The following HERC3 variants were observed in gnomAD, a reference collection of about 807,000 sequenced individuals.
HERC3 encodes the protein probable E3 ubiquitin-protein ligase HERC3.
In HERC3, 58 loss-of-function variants were observed where a neutral mutation model predicts 129.9. The observed-to-expected ratio is 0.45, with a 90% CI of 0.36 to 0.56. The LOEUF is 0.56. HERC3 is among the 20% of genes least tolerant of loss of function. The pLI is 0.00. For synonymous variants in HERC3, 430 were observed against 451.0 expected (o/e 0.95, Z 0.59); for missense variants, 835 against 1,244.2 (o/e 0.67, Z 4.95).
At chr4:88,579,228 A>ATT in the HERC3 span, among the ~76,000 whole-genome samples, 3 of 98,550 alleles carry the variant, frequency 3.0e-5, no homozygotes, top group African/African-American at 2.7e-4. Flanking sequence ...CTAAAAAAAA[A>ATT]AAAAATATAT....
chr4:88,623,110 T>C (rs1725720640), intron 3 of HERC3, among the ~76,000 whole-genome samples: 1 of 152,334 alleles, frequency 6.6e-6, no homozygotes, highest in Non-Finnish European at 1.5e-5. Context: ...ATGTATAAGC[T>C]AGTTTCTTAT....
At chr4:88,699,276 G>A (rs1209823344) in intron 23 of HERC3, among the ~76,000 whole-genome samples, 1 of 21,426 alleles carries the variant, frequency 4.7e-5, no homozygotes, top group East Asian at 2.0e-3. Flanking sequence ...CCCCAGCCCC[G>A]CCTTCTTCTT....
chr4:88,662,950 C>A (rs1730646107), intron 11 of HERC3, among the ~76,000 whole-genome samples: 1 of 150,872 alleles, frequency 6.6e-6, no homozygotes, highest in South Asian at 2.1e-4. Flanking sequence ...TTAATAATTT[C>A]TAGCATTTTC....
At chr4:88,651,448 G>A (rs1729265417) in intron 4 of HERC3, among the ~76,000 whole-genome samples, 1 of 152,156 alleles carries the variant, frequency 6.6e-6, no homozygotes, top group African/African-American at 2.4e-5. Flanking sequence ...ACCTTGGGCA[G>A]GTTAACTTTT....
rs148505790 is a variant in HERC3, at chr4:88,704,363, G to A, written c.2841+82G>A. The A allele has an allele frequency of 1.6e-4, 236 of 1,436,810 alleles. No individual in the cohort carries two copies. The African/African-American group carries it at 3.0e-3, about 18-fold the overall frequency. 89.0% of individuals were successfully genotyped at this position (1,436,810 alleles called of 1,614,324 possible). On this transcript the variant is annotated intron_variant, in intron 24 of 25. Transcript: ENST00000402738. ...GGAGGTGTTCCCAGAGCCTGGTCTC[G>A]TTCCAAGCATACTGTGGTTGAGTTA...
At chr4:88,631,000 G>A (rs773814052) in intron 3 of HERC3, among the ~76,000 whole-genome samples, 11 of 152,230 alleles carry the variant, frequency 7.2e-5, no homozygotes, top group East Asian at 1.9e-4. Flanking sequence ...TATTGACTTC[G>A]TCAGTATATC....
the HERC3 span, among the ~76,000 whole-genome samples, chr4:88,564,427 G>T: frequency 6.6e-6 from 1 of 152,176 alleles, no homozygotes; most frequent in African/African-American, 2.4e-5. Context: ...TTTGCTGGGA[G>T]ACTTTTTATT....
At chr4:88,595,792 C>T (rs1248972390) in intron 2 of HERC3, among the ~76,000 whole-genome samples, 178 bp downstream of exon 2, 1 of 151,516 alleles carries the variant, frequency 6.6e-6, no homozygotes, top group Admixed American at 6.6e-5. Context: ...CAAGGTGAGC[C>T]CAAGAAGTAG....
the HERC3 span, among the ~76,000 whole-genome samples, chr4:88,541,840 A>G: frequency 1.3e-5 from 2 of 152,354 alleles, no homozygotes; most frequent in Middle Eastern, 3.4e-3. Flanking sequence ...CTGCTCCTGA[A>G]TGACTACTGG....
At chr4:88,577,607 A>G in the HERC3 span, among the ~76,000 whole-genome samples, 34 of 149,072 alleles carry the variant, frequency 2.3e-4, no homozygotes, top group East Asian at 5.4e-3. Context: ...ATGTGTGTGT[A>G]TATATATATA....
At chr4:88,681,828 C>T (rs577349981) in intron 21 of HERC3, among the ~76,000 whole-genome samples, 4 of 152,274 alleles carry the variant, frequency 2.6e-5, no homozygotes, top group Admixed American at 2.0e-4. Context: ...GTTAGAAACA[C>T]TCGAATTATT....
chr4:88,697,800 C>G, intron 23 of HERC3: 2 of 1,535,788 alleles, frequency 1.3e-6, no homozygotes, highest in Non-Finnish European at 1.7e-6. Context: ...CCGCAGAGGC[C>G]CTGCACCCGA....
At chr4:88,673,222 C>T (rs1049871558) in intron 16 of HERC3, among the ~76,000 whole-genome samples, 1 of 152,186 alleles carries the variant, frequency 6.6e-6, no homozygotes, top group Non-Finnish European at 1.5e-5. Flanking sequence ...AAAGGAGACG[C>T]AGCCAGGCAG....
chr4:88,623,275 A>T (rs929599187), intron 3 of HERC3, among the ~76,000 whole-genome samples: 2 of 152,146 alleles, frequency 1.3e-5, no homozygotes, highest in African/African-American at 4.8e-5. Context: ...TTTTGTTGTG[A>T]ATCACTGCTT....
At chr4:88,649,074 T>A (rs1377851962) in intron 3 of HERC3, among the ~76,000 whole-genome samples, 1 of 152,188 alleles carries the variant, frequency 6.6e-6, no homozygotes, top group Non-Finnish European at 1.5e-5. Flanking sequence ...ATGATCTGTT[T>A]TTTCAGAGTT....
chr4:88,644,210 G>T (rs1230927515), intron 3 of HERC3, among the ~76,000 whole-genome samples: 2 of 152,140 alleles, frequency 1.3e-5, no homozygotes, highest in Non-Finnish European at 2.9e-5. Flanking sequence ...TCTGGAAAAT[G>T]ATTTGGCAGG....
In HERC3 at chr4:88,699,027, TCACCC is replaced by T. The variant is rs1242394240; in HGVS notation, c.2658-5070_2658-5066del. On this transcript the variant is annotated intron_variant, in intron 23 of 25. Coordinates refer to ENST00000402738, the MANE Select transcript of HERC3 (RefSeq NM_014606.3). The stretch of plus-strand genomic sequence containing the variant: ...CTCACCCTCTTCTTCCTCACCCTCT[TCACCC>T]TCTTCTTCCTCACGCTCCTCACCCT... Among the ~76,000 whole-genome samples, 63 of 94,466 alleles carry T rather than the reference TCACCC, an allele frequency of 6.7e-4. 12 individuals carry two copies. The highest frequency in any genetic ancestry group is 1.2e-3 in the African/African-American group (26 of 21,080). The allele number at this position is 94,466 out of a possible 152,430, so 62.0% of individuals were successfully genotyped here.
At chr4:88,582,777 TGCCACCTTCCCTA>T in the HERC3 span, among the ~76,000 whole-genome samples, 1 of 152,224 alleles carries the variant, frequency 6.6e-6, no homozygotes, top group East Asian at 1.9e-4. Context: ...TGTAACTTGC[TGCCACCTTCCCTA>T]GAGCACAGAG....
intron 3 of HERC3, among the ~76,000 whole-genome samples, chr4:88,617,607 C>T (rs1725052588): frequency 6.6e-6 from 1 of 152,164 alleles, no homozygotes; most frequent in Non-Finnish European, 1.5e-5. Flanking sequence ...TGCAGTGGCT[C>T]ACGCCTGTAA....
Sources: gnomAD v4.1 joint callset for allele counts (sites outside exome capture counted in the v4.1 genomes callset) on GRCh38, gnomAD v4.1.1 for gene constraint, MANE v1.5 for transcripts, NCBI Gene and HGNC (gene_info 2026-07-23, HGNC 2026-07-21) for gene names.